Variants in ELP4 observed in about 807,000 individuals in gnomAD.
ELP4 encodes elongator acetyltransferase complex subunit 4.
ELP4 carries 51 observed loss-of-function variants against 48.9 expected under a neutral mutation model. The ratio of observed to expected loss-of-function variants is 1.04; its 90% CI spans 0.83 to 1.32. The LOEUF (loss-of-function observed/expected upper bound fraction) is 1.32, where lower values mean the gene tolerates loss of function less well. Ranked by LOEUF, ELP4 falls within the 40% of genes most tolerant of loss-of-function variation. The probability of loss-of-function intolerance (pLI) is 0.00; values close to 1 mark genes in which losing one functional copy is unlikely to be tolerated. For synonymous variants in ELP4, 210 were observed against 189.2 expected (o/e 1.11, Z -0.90); for missense variants, 519 against 514.6 (o/e 1.01, Z -0.08).
At chr11:31,742,775 A>G (rs9988913) in intron 9 of ELP4, among the ~76,000 whole-genome samples, 49,552 of 152,056 alleles carry the variant, frequency 0.33, 9,252 homozygotes, top group African/African-American at 0.52. Flanking sequence ...AGGATCAACC[A>G]GTACGAGCCA....
intron 9 of ELP4, among the ~76,000 whole-genome samples, chr11:31,768,804 A>G (rs886470082): frequency 6.6e-6 from 1 of 152,190 alleles, no homozygotes; most frequent in Non-Finnish European, 1.5e-5. Context: ...AGTCATGTAA[A>G]TATGTTTCAG....
At chr11:31,652,112 A>T (rs1361840642) in intron 9 of ELP4, 1 of 151,774 alleles carries the variant, frequency 6.6e-6, no homozygotes, top group Non-Finnish European at 1.5e-5. Context: ...CCTGTGGTTT[A>T]GAAGCAATGT....
chr11:31,638,741 C>T (rs1245298089), intron 7 of ELP4, among the ~76,000 whole-genome samples: 1 of 151,744 alleles, frequency 6.6e-6, no homozygotes, highest in South Asian at 2.1e-4. Flanking sequence ...CTTTTCACAT[C>T]CATAAACTTT....
At chr11:31,628,322 C>G (rs1944789977) in intron 6 of ELP4, 1 of 151,972 alleles carries the variant, frequency 6.6e-6, no homozygotes, top group Non-Finnish European at 1.5e-5. Flanking sequence ...CATGTCATAA[C>G]AGTTCCAATG....
At chr11:31,756,961 A>G (rs1162932258) in intron 9 of ELP4, among the ~76,000 whole-genome samples, 2 of 152,234 alleles carry the variant, frequency 1.3e-5, no homozygotes, top group Non-Finnish European at 2.9e-5. Context: ...GTTTCATTGT[A>G]ACCATCAGAG....
chr11:31,582,337 A>G (rs1337743806), intron 3 of ELP4, among the ~76,000 whole-genome samples: 1 of 152,200 alleles, frequency 6.6e-6, no homozygotes, highest in African/African-American at 2.4e-5. Context: ...TAGCATTGCT[A>G]TCATCATTAT....
At chr11:31,539,581 A>G in intron 2 of ELP4, 81 bp from the exon 3 acceptor site, 3 of 1,404,962 alleles carry the variant, frequency 2.1e-6, no homozygotes, top group Non-Finnish European at 2.9e-6. Flanking sequence ...ATATAAAAAC[A>G]TATGAGTGTG....
chr11:31,763,547 A>G (rs779487938), intron 9 of ELP4: 7 of 1,608,308 alleles, frequency 4.4e-6, no homozygotes, highest in Admixed American at 1.7e-5. Context: ...TTCCTTGCAA[A>G]GGGTATGGGC....
intron 9 of ELP4, among the ~76,000 whole-genome samples, chr11:31,671,054 A>C (rs116503697): frequency 2.3e-3 from 357 of 152,284 alleles, no homozygotes; most frequent in African/African-American, 8.2e-3. Flanking sequence ...AATAGAGGTA[A>C]GGTAATACCT....
At chr11:31,561,209 A>AT (rs994603098) in intron 3 of ELP4, among the ~76,000 whole-genome samples, 4 of 152,162 alleles carry the variant, frequency 2.6e-5, no homozygotes, top group African/African-American at 9.7e-5. Flanking sequence ...TTATTATCTT[A>AT]TATTAACCCT....
At chr11:31,706,021 T>A (rs1256707141) in intron 9 of ELP4, among the ~76,000 whole-genome samples, 2 of 152,100 alleles carry the variant, frequency 1.3e-5, no homozygotes, top group Non-Finnish European at 2.9e-5. Context: ...CCTGGCTGAT[T>A]TTTTATTTTT....
intron 9 of ELP4, among the ~76,000 whole-genome samples, chr11:31,694,689 T>C (rs551444954): frequency 6.6e-5 from 10 of 152,328 alleles, no homozygotes; most frequent in South Asian, 4.1e-4. Flanking sequence ...GTTTTTCTAA[T>C]TCTGTGAAGA....
chr11:31,717,008 G>A (rs1946854846), intron 9 of ELP4, among the ~76,000 whole-genome samples: 1 of 152,046 alleles, frequency 6.6e-6, no homozygotes, highest in Non-Finnish European at 1.5e-5. Context: ...CTAAATATAA[G>A]AAATTGCTCA....
chr11:31,707,602 A>T (rs1013409415), intron 9 of ELP4, among the ~76,000 whole-genome samples: 1 of 152,036 alleles, frequency 6.6e-6, no homozygotes, highest in East Asian at 1.9e-4. Context: ...CTAATTTTAT[A>T]TTATTTTTCT....
At chr11:31,621,903 G>C (rs1944630784) in intron 5 of ELP4, among the ~76,000 whole-genome samples, 1 of 151,766 alleles carries the variant, frequency 6.6e-6, no homozygotes. Flanking sequence ...TTGAGTTCTT[G>C]AAAGTTTGAG....
At chr11:31,589,101 A>G (rs1026309609) in intron 3 of ELP4, among the ~76,000 whole-genome samples, 1 of 152,236 alleles carries the variant, frequency 6.6e-6, no homozygotes, top group Non-Finnish European at 1.5e-5. Context: ...CACATGAAAC[A>G]TAAGGAGCCC....
chr11:31,661,562 C>T (rs1945555303), intron 9 of ELP4, among the ~76,000 whole-genome samples: 1 of 151,838 alleles, frequency 6.6e-6, no homozygotes, highest in Non-Finnish European at 1.5e-5. Flanking sequence ...ATTGTATCTC[C>T]CTTTCCTAGT....
At chr11:31,532,306 A>G (rs539015566) in intron 2 of ELP4, among the ~76,000 whole-genome samples, 1 of 152,204 alleles carries the variant, frequency 6.6e-6, no homozygotes, top group Non-Finnish European at 1.5e-5. Flanking sequence ...GCTAAGTACT[A>G]TGTCTAGTTA....
At chr11:31,541,505 CAT>C (rs1325907913) in intron 3 of ELP4, 1 of 152,204 alleles carries the variant, frequency 6.6e-6, no homozygotes, top group African/African-American at 2.4e-5. Flanking sequence ...TTCTTCATGA[CAT>C]ATTCCACAAT....
Sources: gnomAD v4.1 joint callset for allele counts (sites outside exome capture counted in the v4.1 genomes callset) on GRCh38, gnomAD v4.1.1 for gene constraint, MANE v1.5 for transcripts, NCBI Gene and HGNC (gene_info 2026-07-23, HGNC 2026-07-21) for gene names.